Variants in SLC41A2 observed in about 807,000 individuals in gnomAD.
SLC41A2 encodes SLC41A1-like 1.
Under a neutral mutation model 58.3 loss-of-function variants are expected in SLC41A2, and 32 were observed. The ratio of observed to expected loss-of-function variants is 0.55; its 90% CI spans 0.41 to 0.74. The LOEUF is 0.74. Ranked by LOEUF, SLC41A2 falls within the 30% of genes least tolerant of loss-of-function variation. SLC41A2 has a pLI of 0.00. For missense variants in SLC41A2, 514 were observed against 680.6 expected (o/e 0.76, Z 2.72); for synonymous variants, 190 against 235.0 (o/e 0.81, Z 1.75).
chr12:104,931,972 T>G (rs578120726), intron 1 of SLC41A2, among the ~76,000 whole-genome samples: 39 of 152,284 alleles, frequency 2.6e-4, no homozygotes, highest in African/African-American at 8.9e-4. Flanking sequence ...GTTTTTGTTT[T>G]TGTGTGTGTG....
intron 7 of SLC41A2, among the ~76,000 whole-genome samples, chr12:104,865,288 G>A (rs1404995854): frequency 1.3e-5 from 2 of 152,168 alleles, no homozygotes; most frequent in Non-Finnish European, 2.9e-5. Flanking sequence ...CACAGTGCTT[G>A]AGCCACATCC....
At chr12:104,874,821 T>A (rs996877860) in intron 6 of SLC41A2, among the ~76,000 whole-genome samples, 2 of 152,224 alleles carry the variant, frequency 1.3e-5, no homozygotes, top group African/African-American at 2.4e-5. Flanking sequence ...CTTTGGCTAT[T>A]CAGGGTCTTT....
chr12:104,933,372 A>G (rs1390137051), intron 1 of SLC41A2, among the ~76,000 whole-genome samples: 3 of 152,226 alleles, frequency 2.0e-5, no homozygotes, highest in Admixed American at 1.3e-4. Flanking sequence ...TAAAATGTCA[A>G]TAAACAATAG....
chr12:104,889,695 A>G (rs1465545581), intron 4 of SLC41A2, among the ~76,000 whole-genome samples: 1 of 152,194 alleles, frequency 6.6e-6, no homozygotes, highest in Admixed American at 6.5e-5. Flanking sequence ...GCAGTGGTCA[A>G]CGTAGATTAT....
At chr12:104,830,087 A>G (rs1200174474) in intron 10 of SLC41A2, among the ~76,000 whole-genome samples, 2 of 152,214 alleles carry the variant, frequency 1.3e-5, no homozygotes, top group East Asian at 3.8e-4. Context: ...ATTACCAAAT[A>G]ATGGAATTAA....
At chr12:104,825,480 G>A (rs1292521641) in intron 10 of SLC41A2, among the ~76,000 whole-genome samples, 4 of 152,192 alleles carry the variant, frequency 2.6e-5, no homozygotes, top group Admixed American at 2.0e-4. Context: ...GTTGCACTAA[G>A]CAAGGGGTTC....
At position 104,928,353 on chromosome 12, in the gene SLC41A2, T is replaced by C. The variant is rs929733052; in HGVS notation, c.175A>G (p.Lys59Glu). The change falls in exon 2 of 11, where the codon AAA becomes GAA. Residue 59 changes from lysine to glutamate, a missense_variant. Physicochemically the swap from Lys to Glu is moderately conservative, Grantham distance 56. Transcript: ENST00000258538. ...IYQKNQEDRH[K>E]KANGIWQDGL... is the part of the protein sequence containing the mutation. ...TCTTGCCAAATGCCGTTTGCTTTTT[T>C]GTGCCTGTCTTCTTGGTTTTTCTGG... The C allele has an allele frequency of 1.2e-6, 2 of 1,608,052 alleles. No homozygotes were observed. The highest frequency in any genetic ancestry group is 1.7e-6 in the Non-Finnish European group (2 of 1,176,600).
At position 104,913,899 on chromosome 12, in the gene SLC41A2, C is replaced by A. The variant is rs548144601; in HGVS notation, c.556-4137G>T. 5.3e-5 allele frequency among the ~76,000 whole-genome samples: 8 copies of A among 152,106 alleles called. No individual in the cohort carries two copies. In the South Asian group the frequency reaches 1.7e-3, roughly 32 times the overall value. ...CCAGCCTGGCCAATATGGTGAAACC[C>A]CATCTCTGCAAAAATTAGCTGGCAT... On this transcript the variant is annotated intron_variant, in intron 2 of 10. Transcript: ENST00000258538.
chr12:104,958,656 A>C (rs1055624036), upstream of SLC41A2: 2 of 152,328 alleles, frequency 1.3e-5, no homozygotes, highest in Non-Finnish European at 2.9e-5. Context: ...CTCTTCTCAG[A>C]CCAGCGGCCT....
chr12:104,898,871 A>T (rs1324444803), intron 3 of SLC41A2, among the ~76,000 whole-genome samples: 1 of 152,246 alleles, frequency 6.6e-6, no homozygotes, highest in East Asian at 1.9e-4. Flanking sequence ...GCAAATAAGC[A>T]TTTGAAAAGA....
chr12:104,838,819 A>G (rs1244060374), intron 10 of SLC41A2, among the ~76,000 whole-genome samples: 1 of 152,214 alleles, frequency 6.6e-6, no homozygotes, highest in Non-Finnish European at 1.5e-5. Flanking sequence ...TACAGCTAAG[A>G]GAAGATTCTT....
chr12:104,869,476 G>C (rs1176982075), intron 6 of SLC41A2, among the ~76,000 whole-genome samples: 1 of 151,974 alleles, frequency 6.6e-6, no homozygotes, highest in African/African-American at 2.4e-5. Context: ...GAGTATGCAG[G>C]GGTTTTTTTT....
chr12:104,880,689 T>A (rs959021951), intron 6 of SLC41A2, among the ~76,000 whole-genome samples: 2 of 152,204 alleles, frequency 1.3e-5, no homozygotes, highest in Non-Finnish European at 2.9e-5. Flanking sequence ...GTGGACACGC[T>A]TTTTGACGTG....
rs2046921043 is a variant in SLC41A2, at chr12:104,928,217, C to T, written c.311G>A (p.Ser104Asn). The change falls in exon 2 of 11, where the codon AGC becomes AAC. Residue 104 changes from serine (S) to asparagine (N), a missense_variant. By Grantham distance (46) the Ser-to-Asn change is conservative. Around this residue, in one of 3 missense-constraint regions of SLC41A2, gnomAD observed 336 missense variants for 430.0 expected, o/e 0.78. Transcript: ENST00000258538. ...FHANNGHASSSCSQKYDDYAN... is the reference protein window; with the variant it reads ...FHANNGHASSNCSQKYDDYAN... ...ATAGTCATCATACTTTTGGCTGCAG[C>T]TTGATGATGCGTGCCCATTATTGGC... 6.2e-7 allele frequency: 1 copy of T among 1,614,052 alleles called. No homozygotes were observed. Among genetic ancestry groups the T allele is most frequent in the Non-Finnish European group, 8.5e-7 (1 of 1,180,036 alleles).
intron 6 of SLC41A2, among the ~76,000 whole-genome samples, chr12:104,884,073 T>C (rs1432927322): frequency 6.6e-6 from 1 of 152,248 alleles, no homozygotes; most frequent in Non-Finnish European, 1.5e-5. Flanking sequence ...CCAGCCTCGC[T>C]GCCACCTCGC....
At chr12:104,914,326 A>G (rs1326304225) in intron 2 of SLC41A2, among the ~76,000 whole-genome samples, 1 of 152,190 alleles carries the variant, frequency 6.6e-6, no homozygotes, top group Non-Finnish European at 1.5e-5. Flanking sequence ...TTTTACAACC[A>G]TAATTATTTA....
intron 1 of SLC41A2, among the ~76,000 whole-genome samples, chr12:104,956,114 GGT>G (rs1262516013): frequency 2.0e-5 from 3 of 152,116 alleles, no homozygotes; most frequent in African/African-American, 7.2e-5. Context: ...ACCAATTAAG[GGT>G]GGTCTCTCTT....
chr12:104,892,399 G>C (rs11112228), intron 4 of SLC41A2, among the ~76,000 whole-genome samples: 1 of 151,542 alleles, frequency 6.6e-6, no homozygotes, highest in Non-Finnish European at 1.5e-5. Flanking sequence ...TCATGGATTA[G>C]AATAATCAAT....
intron 6 of SLC41A2, 106 bp from the exon 7 acceptor site, chr12:104,866,685 A>T (rs991627418): frequency 3.5e-6 from 3 of 854,610 alleles, no homozygotes; most frequent in Non-Finnish European, 5.0e-6. Context: ...ACTATCAAAC[A>T]TATTAACATG....
Sources: gnomAD v4.1 joint callset for allele counts (sites outside exome capture counted in the v4.1 genomes callset) on GRCh38, gnomAD v4.1.1 for gene constraint, gnomAD v4.1.1 regional missense constraint, MANE v1.5 for transcripts, NCBI Gene and HGNC (gene_info 2026-07-23, HGNC 2026-07-21) for gene names.